Variants in MSI2 observed in about 807,000 individuals in gnomAD.
The protein encoded by MSI2 is RNA-binding protein Musashi homolog 2.
In MSI2, 17 loss-of-function variants were observed where a neutral mutation model predicts 45.6. The observed-to-expected ratio is 0.37, with a 90% confidence interval of 0.26 to 0.56. The LOEUF is 0.56. Among genes scored for constraint, MSI2 ranks in the 20% least tolerant of loss-of-function variants. The probability of loss-of-function intolerance (pLI) is 0.77; values close to 1 mark genes in which losing one functional copy is unlikely to be tolerated. For missense variants in MSI2, 293 were observed against 444.2 expected (o/e 0.66, Z 3.06); for synonymous variants, 156 against 158.2 (o/e 0.99, Z 0.11).
chr17:57,673,768 C>T (rs1012006662), intron 11 of MSI2, among the ~76,000 whole-genome samples: 2 of 152,076 alleles, frequency 1.3e-5, no homozygotes, highest in African/African-American at 4.8e-5. Flanking sequence ...AACCCCACCA[C>T]TCTCTGGATT....
chr17:57,527,430 G>A (rs1197697620), intron 6 of MSI2, among the ~76,000 whole-genome samples: 1 of 151,446 alleles, frequency 6.6e-6, no homozygotes, highest in African/African-American at 2.4e-5. Flanking sequence ...GAGGTGGAAC[G>A]GCTGTTGTGT....
At chr17:57,586,048 TTC>T (rs1407008808) in intron 7 of MSI2, among the ~76,000 whole-genome samples, 3 of 152,228 alleles carry the variant, frequency 2.0e-5, no homozygotes, top group African/African-American at 7.2e-5. Context: ...AGTAATATGT[TTC>T]TCTCTCGCCA....
chr17:57,387,023 G>T (rs1286716979), intron 5 of MSI2, among the ~76,000 whole-genome samples: 1 of 152,228 alleles, frequency 6.6e-6, no homozygotes, highest in Admixed American at 6.5e-5. Flanking sequence ...CCATGTGTCT[G>T]ATTTGACAGC....
At chr17:57,401,669 G>A (rs1298545840) in intron 6 of MSI2, among the ~76,000 whole-genome samples, 198 bp downstream of exon 6, 1 of 152,212 alleles carries the variant, frequency 6.6e-6, no homozygotes, top group East Asian at 1.9e-4. Context: ...GATGTCCCAC[G>A]TGCTGGCAGG....
chr17:57,571,957 A>G (rs924896112), intron 7 of MSI2, among the ~76,000 whole-genome samples: 2 of 152,082 alleles, frequency 1.3e-5, no homozygotes, highest in African/African-American at 4.8e-5. Context: ...CACCCACCCT[A>G]GTTCTCCAGA....
rs186106604 is a variant in MSI2 at position 57,583,608 on chromosome 17, C to T, written c.455-13260C>T. ...CAAGCTTCCCAAGTAGCTGAGACCA[C>T]AGGCACGTGCCACGACGTCAGGCTA... On this transcript the variant is annotated intron_variant, in intron 7 of 13. Coordinates refer to ENST00000284073, the MANE Select transcript of MSI2 (RefSeq NM_138962.4). 5.2e-4 allele frequency among the ~76,000 whole-genome samples: 79 copies of T among 151,432 alleles called. 1 individual carries two copies. The highest frequency in any genetic ancestry group is 1.8e-3 in the African/African-American group (75 of 41,204).
intron 5 of MSI2, among the ~76,000 whole-genome samples, chr17:57,285,565 G>A (rs1909798283): frequency 1.3e-5 from 2 of 152,216 alleles, no homozygotes; most frequent in South Asian, 4.1e-4. Flanking sequence ...GGGAAAGTAT[G>A]CCCAGCTGCA....
chr17:57,548,836 A>G (rs1056013939), intron 7 of MSI2, among the ~76,000 whole-genome samples: 1 of 151,198 alleles, frequency 6.6e-6, no homozygotes, highest in Non-Finnish European at 1.5e-5. Context: ...GTGTTTAGAC[A>G]CTCGGCAATT....
Position 57,331,778 on chromosome 17 carries a change from G to A in MSI2, c.312+69586G>A, listed in dbSNP as rs973834422. 3.5e-4 allele frequency among the ~76,000 whole-genome samples: 53 copies of A among 152,138 alleles called. 1 individual carries two copies. Among genetic ancestry groups the A allele is most frequent in the Non-Finnish European group, 7.4e-5 (5 of 68,018 alleles). ...TATCAGCCACCCCAAGGATCTGCCTGTTTACAGAGAATTTTTTTTAAATAT... is the reference window on the plus strand; with the variant it reads ...TATCAGCCACCCCAAGGATCTGCCTATTTACAGAGAATTTTTTTTAAATAT... On this transcript the variant is annotated intron_variant, in intron 5 of 13. Transcript: ENST00000284073.
At chr17:57,334,656 T>C (rs1466355851) in intron 5 of MSI2, among the ~76,000 whole-genome samples, 2 of 151,988 alleles carry the variant, frequency 1.3e-5, no homozygotes, top group East Asian at 1.9e-4. Flanking sequence ...TAGCCGGGCA[T>C]GGTGGTGGAT....
rs140219778 is a variant in MSI2 at position 57,499,346 on chromosome 17, A to G, written c.406-30330A>G. 7.7e-3 allele frequency among the ~76,000 whole-genome samples: 1,108 copies of G among 144,810 alleles called. 8 individuals carry two copies. Among genetic ancestry groups the G allele is most frequent in the South Asian group, 0.017 (74 of 4,424 alleles). On this transcript the variant is annotated intron_variant, in intron 6 of 13. Transcript: ENST00000284073. ...AGCCGAGATTGTGCCACGGCACTCC[A>G]GCCTGGGCAACAGAGTAAGATTCTG...
At chr17:57,577,718 T>C (rs1224519767) in intron 7 of MSI2, among the ~76,000 whole-genome samples, 1 of 152,178 alleles carries the variant, frequency 6.6e-6, no homozygotes, top group Non-Finnish European at 1.5e-5. Context: ...GGTTCTTATT[T>C]ATGAAAAAAG....
chr17:57,296,026 T>TG (rs1910917655), intron 5 of MSI2, among the ~76,000 whole-genome samples: 1 of 105,432 alleles, frequency 9.5e-6, no homozygotes, highest in African/African-American at 3.5e-5. Context: ...TTTTTTTTTT[T>TG]GCCTTACTAC....
intron 5 of MSI2, among the ~76,000 whole-genome samples, chr17:57,396,067 G>C (rs1041252698): frequency 6.6e-6 from 1 of 152,222 alleles, no homozygotes; most frequent in Non-Finnish European, 1.5e-5. Context: ...TTCTTGGGGA[G>C]TGAAGATGGC....
At chr17:57,554,070 A>G (rs1188054000) in intron 7 of MSI2, among the ~76,000 whole-genome samples, 1 of 152,156 alleles carries the variant, frequency 6.6e-6, no homozygotes, top group Non-Finnish European at 1.5e-5. Flanking sequence ...AATGCTCTTT[A>G]AACCTCTGCA....
intron 5 of MSI2, among the ~76,000 whole-genome samples, chr17:57,316,778 AGTGAAG>A (rs1912886108): frequency 6.6e-6 from 1 of 152,156 alleles, no homozygotes; most frequent in African/African-American, 2.4e-5. Flanking sequence ...ATGGGAACTG[AGTGAAG>A]GCTTGAGGTC....
intron 6 of MSI2, among the ~76,000 whole-genome samples, chr17:57,452,302 G>C (rs150423920): frequency 1.3e-5 from 2 of 152,362 alleles, no homozygotes; most frequent in Non-Finnish European, 2.9e-5. Context: ...TCCTCCAGAG[G>C]GGGAGCAGGT....
rs1567961075 is a variant in MSI2 at position 57,652,766 on chromosome 17, G to T, written c.790+605G>T. On this transcript the variant is annotated intron_variant, in intron 11 of 13. Coordinates refer to ENST00000284073, the MANE Select transcript of MSI2 (RefSeq NM_138962.4). The surrounding 1 kb of genome is among the most constrained non-coding windows in gnomAD (Gnocchi z 4.1). ...GGAATTGGGCTTTCTGTCCCATGAGGTTGCTCCAGTCCTTCTGTCTCCAAA... is the reference window on the plus strand; with the variant it reads ...GGAATTGGGCTTTCTGTCCCATGAGTTTGCTCCAGTCCTTCTGTCTCCAAA... 6.6e-6 allele frequency among the ~76,000 whole-genome samples: 1 copy of T among 152,242 alleles called. No individual in the cohort carries two copies. Among genetic ancestry groups the T allele is most frequent in the Non-Finnish European group, 1.5e-5 (1 of 68,048 alleles).
intron 5 of MSI2, among the ~76,000 whole-genome samples, chr17:57,302,429 A>G (rs1911490057): frequency 6.6e-6 from 1 of 152,180 alleles, no homozygotes; most frequent in South Asian, 2.1e-4. Context: ...TTTGAAATGC[A>G]CAATAAATTA....
Sources: allele counts gnomAD v4.1 joint callset (sites outside exome capture counted in the v4.1 genomes callset), GRCh38; gene constraint gnomAD v4.1.1; non-coding constraint Gnocchi (gnomAD v3.1); transcripts MANE v1.5; gene names NCBI Gene and HGNC (gene_info 2026-07-23, HGNC 2026-07-21).